The following DLGAP2 variants were observed in gnomAD, a reference collection of about 807,000 sequenced individuals.
DLGAP2 encodes disks large-associated protein 2.
DLGAP2 carries 26 observed loss-of-function variants against 100.3 expected under a neutral mutation model. The ratio of observed to expected loss-of-function variants is 0.26; its 90% CI spans 0.19 to 0.36. DLGAP2 has a LOEUF of 0.36. DLGAP2 is among the 10% of genes least tolerant of loss of function. DLGAP2 has a pLI of 1.00. For synonymous variants in DLGAP2, 886 were observed against 630.1 expected, an observed-to-expected ratio of 1.41 and a Z score of -6.08; for missense variants, 1,858 against 1,453.2, an observed-to-expected ratio of 1.28 and a Z score of -4.53.
chr8:1,296,754 G>T (rs972909562), intron 3 of DLGAP2, among the ~76,000 whole-genome samples: 3 of 152,196 alleles, frequency 2.0e-5, no homozygotes, highest in African/African-American at 7.2e-5. Flanking sequence ...GGGAAACGTG[G>T]TAAGTGAGTC....
intron 2 of DLGAP2, among the ~76,000 whole-genome samples, chr8:959,411 T>G (rs1799670709): frequency 6.6e-6 from 1 of 152,238 alleles, no homozygotes; most frequent in South Asian, 2.1e-4. Context: ...GAAACGCCAC[T>G]GCAGTCACGA....
chr8:1,261,317 A>T (rs1021449194), intron 3 of DLGAP2, among the ~76,000 whole-genome samples: 5 of 151,030 alleles, frequency 3.3e-5, no homozygotes, highest in Non-Finnish European at 5.9e-5. Context: ...CTGGGAGGGC[A>T]GGTCAGCTTC....
In DLGAP2 at chr8:1,098,812, TCCAGGCTCCCGGCC is replaced by T. The variant is rs1563190953; in HGVS notation, c.74-160038_74-160025del. Among the ~76,000 whole-genome samples, 550 of 93,522 alleles carry T rather than the reference TCCAGGCTCCCGGCC, an allele frequency of 5.9e-3. 6 individuals carry two copies. The highest frequency in any genetic ancestry group is 0.018 in the African/African-American group (513 of 27,864). 61.4% of individuals were successfully genotyped at this position (93,522 alleles called of 152,430 possible). ...GCCGCCCACGGACGCCGCCACCCACTCCAGGCTCCCGGCCGCGCACGGACGCTGCGACGCACACC... is the reference window on the plus strand; with the variant it reads ...GCCGCCCACGGACGCCGCCACCCACTGCGCACGGACGCTGCGACGCACACC... On this transcript the variant is annotated intron_variant, in intron 2 of 14. Coordinates refer to ENST00000637795, the MANE Select transcript of DLGAP2 (RefSeq NM_001346810.2).
intron 3 of DLGAP2, among the ~76,000 whole-genome samples, chr8:1,429,146 A>G (rs1445200035): frequency 1.3e-5 from 2 of 152,148 alleles, no homozygotes; most frequent in Non-Finnish European, 2.9e-5. Flanking sequence ...AGTTTGAAAA[A>G]TCCCTACTTA....
At chr8:740,700 T>C (rs1302308392) in intron 1 of DLGAP2, among the ~76,000 whole-genome samples, 2 of 152,242 alleles carry the variant, frequency 1.3e-5, no homozygotes, top group African/African-American at 4.8e-5. Flanking sequence ...TTTGAAGATA[T>C]CATCTTCCAT....
intron 2 of DLGAP2, among the ~76,000 whole-genome samples, chr8:1,061,433 C>G (rs563138277): frequency 2.6e-5 from 4 of 152,198 alleles, no homozygotes; most frequent in African/African-American, 4.8e-5. Flanking sequence ...GAGGGAAAAC[C>G]ACGCTGCCAG....
At chr8:801,892 C>G (rs1175240218) in intron 1 of DLGAP2, among the ~76,000 whole-genome samples, 1 of 142,518 alleles carries the variant, frequency 7.0e-6, no homozygotes. Context: ...TGTCTTCACT[C>G]AAGCTCACTG....
At chr8:1,293,863 T>TA (rs1353259839) in intron 3 of DLGAP2, among the ~76,000 whole-genome samples, 1 of 152,346 alleles carries the variant, frequency 6.6e-6, no homozygotes, top group East Asian at 1.9e-4. Context: ...GCAATATATT[T>TA]AAAAAATAGT....
intron 2 of DLGAP2, among the ~76,000 whole-genome samples, chr8:1,145,532 C>T (rs1325425838): frequency 6.6e-6 from 1 of 151,590 alleles, no homozygotes; most frequent in South Asian, 2.1e-4. Context: ...CCACTTCTCT[C>T]CTCCTGTTTT....
At chr8:1,629,441 C>T (rs148949354) in intron 7 of DLGAP2, among the ~76,000 whole-genome samples, 1 of 152,172 alleles carries the variant, frequency 6.6e-6, no homozygotes, top group African/African-American at 2.4e-5. Context: ...CCCCTGCAAA[C>T]AATAACATCA....
chr8:1,215,848 G>A (rs12171640), intron 2 of DLGAP2, among the ~76,000 whole-genome samples: 23,712 of 127,302 alleles, frequency 0.19, 4,439 homozygotes, highest in African/African-American at 0.37. Flanking sequence ...ACCTGGATGG[G>A]TTCATTTGGG....
intron 3 of DLGAP2, among the ~76,000 whole-genome samples, chr8:1,415,460 C>T (rs527338042): frequency 5.9e-5 from 9 of 151,994 alleles, no homozygotes; most frequent in East Asian, 5.8e-4. Flanking sequence ...TCCCCAGCCC[C>T]TTTTTCCCTC....
chr8:1,261,008 GA>G (rs1322403924), intron 3 of DLGAP2, among the ~76,000 whole-genome samples: 4 of 152,248 alleles, frequency 2.6e-5, no homozygotes, highest in African/African-American at 9.6e-5. Flanking sequence ...GCAAATGTGT[GA>G]CAGTGGCGTG....
At chr8:1,151,445 C>T (rs575841909) in intron 2 of DLGAP2, among the ~76,000 whole-genome samples, 8 of 152,126 alleles carry the variant, frequency 5.3e-5, no homozygotes, top group East Asian at 1.9e-4. Context: ...TTGGCCTACG[C>T]GGGGGCAGCT....
At chr8:1,110,301 T>C (rs1392017833) in intron 2 of DLGAP2, among the ~76,000 whole-genome samples, 1 of 144,494 alleles carries the variant, frequency 6.9e-6, no homozygotes, top group Non-Finnish European at 1.5e-5. Flanking sequence ...CACGGGTCTG[T>C]GACATGTGCT....
At chr8:1,093,865 C>G (rs965236886) in intron 2 of DLGAP2, among the ~76,000 whole-genome samples, 1 of 152,234 alleles carries the variant, frequency 6.6e-6, no homozygotes, top group African/African-American at 2.4e-5. Context: ...GTTGGGGTCT[C>G]AAAGGTGACG....
At chr8:829,393 A>C (rs1796740748) in intron 1 of DLGAP2, among the ~76,000 whole-genome samples, 1 of 152,188 alleles carries the variant, frequency 6.6e-6, no homozygotes, top group South Asian at 2.1e-4. Flanking sequence ...TTCTCAAGGA[A>C]AGAGAACACT....
intron 1 of DLGAP2, among the ~76,000 whole-genome samples, chr8:859,324 C>T (rs1466217846): frequency 6.6e-6 from 1 of 152,172 alleles, no homozygotes; most frequent in African/African-American, 2.4e-5. Context: ...GTTGGCCAGG[C>T]TGGTCTGAAA....
intron 2 of DLGAP2, among the ~76,000 whole-genome samples, chr8:1,142,078 T>TA (rs1796531081): frequency 6.6e-6 from 1 of 151,908 alleles, no homozygotes; most frequent in East Asian, 1.9e-4. Flanking sequence ...ATATAAGTTT[T>TA]TTTTTTTGCT....
Sources: allele counts gnomAD v4.1 joint callset (sites outside exome capture counted in the v4.1 genomes callset), GRCh38; gene constraint gnomAD v4.1.1; transcripts MANE v1.5; gene names NCBI Gene and HGNC (gene_info 2026-07-23, HGNC 2026-07-21).